Variants in ELK3 observed in about 807,000 individuals in gnomAD.
ELK3 encodes ETS domain-containing protein Elk-3.
Under a neutral mutation model 28.9 loss-of-function variants are expected in ELK3, and 10 were observed. The observed-to-expected ratio is 0.35, with a 90% CI of 0.21 to 0.59. The LOEUF (loss-of-function observed/expected upper bound fraction) is 0.59. Among genes scored for constraint, ELK3 ranks in the 20% least tolerant of loss-of-function variants. The pLI, the probability that ELK3 is intolerant of heterozygous loss-of-function variation, is 0.82. For missense variants in ELK3, 463 were observed against 517.3 expected, an observed-to-expected ratio of 0.90 and a Z score of 1.02; for synonymous variants, 272 against 243.5, an observed-to-expected ratio of 1.12 and a Z score of -1.09.
At chr12:96,260,462 TCTC>T (rs1337965424) in intron 4 of ELK3, among the ~76,000 whole-genome samples, 2 of 152,160 alleles carry the variant, frequency 1.3e-5, no homozygotes, top group South Asian at 2.1e-4. Context: ...ATCATTAAGT[TCTC>T]CTTGTTCTGT....
chr12:96,232,184 T>C (rs1330920723), intron 2 of ELK3, among the ~76,000 whole-genome samples: 2 of 151,634 alleles, frequency 1.3e-5, no homozygotes, highest in South Asian at 2.1e-4. Flanking sequence ...ATCTTGGGAG[T>C]GAGGGCAAGA....
chr12:96,239,906 A>G (rs1951808453), intron 2 of ELK3, among the ~76,000 whole-genome samples: 2 of 152,254 alleles, frequency 1.3e-5, no homozygotes, highest in African/African-American at 4.8e-5. Context: ...GGGGCCTGAC[A>G]TGTGGCGTCT....
chr12:96,223,721 C>T lies in ELK3; in HGVS notation c.155C>T (p.Thr52Ile), dbSNP rs769732719. ...AKLWGLRKNKTNMNYDKLSRA... is the reference protein window; with the variant it reads ...AKLWGLRKNKINMNYDKLSRA... ...CTGTGGGGACTCCGAAAAAACAAAA[C>T]AAATATGAACTATGATAAGCTGAGC... Residue 52 changes from threonine to isoleucine, a missense_variant, in exon 2 of 5, where the codon ACA (threonine) becomes ATA (isoleucine). Around this residue, in one of 2 missense-constraint regions of ELK3, gnomAD observed 55 missense variants for 102.5 expected, o/e 0.54. Transcript: ENST00000228741. 1.1e-5 allele frequency: 17 copies of T among 1,614,100 alleles called. No individual in the cohort carries two copies. The South Asian group carries it at 1.8e-4, about 17-fold the overall frequency.
intron 1 of ELK3, among the ~76,000 whole-genome samples, chr12:96,204,938 C>T (rs907772573): frequency 6.6e-6 from 1 of 152,226 alleles, no homozygotes; most frequent in African/African-American, 2.4e-5. Flanking sequence ...AGTTGATTCA[C>T]AGATGAAAGG....
intron 1 of ELK3, among the ~76,000 whole-genome samples, chr12:96,200,148 G>A (rs149011788): frequency 7.1e-4 from 108 of 152,210 alleles, no homozygotes; most frequent in African/African-American, 2.4e-3. Flanking sequence ...ATTAGATCGA[G>A]GTAATTAGAT....
At chr12:96,251,260 A>C (rs1374237502) in intron 3 of ELK3, among the ~76,000 whole-genome samples, 1 of 152,148 alleles carries the variant, frequency 6.6e-6, no homozygotes, top group Non-Finnish European at 1.5e-5. Flanking sequence ...CACCTGTATA[A>C]GACAGCAAAC....
At chr12:96,251,909 C>T (rs1257285097) in intron 3 of ELK3, among the ~76,000 whole-genome samples, 1 of 152,240 alleles carries the variant, frequency 6.6e-6, no homozygotes, top group Non-Finnish European at 1.5e-5. Context: ...TCCAGAAGAT[C>T]TAGCTACGCT....
intron 4 of ELK3, among the ~76,000 whole-genome samples, chr12:96,261,643 C>T (rs1316755720): frequency 2.0e-5 from 3 of 152,140 alleles, no homozygotes; most frequent in South Asian, 2.1e-4. Context: ...TAATAAGTGG[C>T]CTCTCATTTC....
chr12:96,247,833 T>C lies in ELK3; in HGVS notation c.1002+99T>C, dbSNP rs1042989482. ...GACTTCCTTCTGTCCCTCAAAACGT[T>C]GTCCTATGACTCGTACCGAGGTCAC... On this transcript the variant is annotated intron_variant, in intron 3 of 4. Coordinates refer to ENST00000228741, the MANE Select transcript of ELK3 (RefSeq NM_005230.4). This position sits in a 1 kb window ranked among gnomAD's most constrained non-coding sequence, Gnocchi z 5.5. 8.8e-6 allele frequency: 12 copies of C among 1,360,214 alleles called. No individual in the cohort carries two copies. Among genetic ancestry groups the C allele is most frequent in the South Asian group, 1.5e-5 (1 of 65,524 alleles). 84.3% of individuals were successfully genotyped at this position (1,360,214 alleles called of 1,614,324 possible).
At chr12:96,233,879 G>A (rs534645576) in intron 2 of ELK3, among the ~76,000 whole-genome samples, 2 of 152,334 alleles carry the variant, frequency 1.3e-5, no homozygotes, top group African/African-American at 4.8e-5. Flanking sequence ...TGTGAGTGTT[G>A]AGGGCCTGGT....
At chr12:96,229,302 C>G (rs1951724987) in intron 2 of ELK3, among the ~76,000 whole-genome samples, 1 of 152,326 alleles carries the variant, frequency 6.6e-6, no homozygotes, top group South Asian at 2.1e-4. Context: ...TGGCTTAAAA[C>G]AACAGAAATG....
chr12:96,196,010 A>G (rs1391303416), intron 1 of ELK3, among the ~76,000 whole-genome samples: 3 of 150,652 alleles, frequency 2.0e-5, no homozygotes, highest in East Asian at 3.9e-4. Flanking sequence ...GGCTGCGGAG[A>G]GGGTTAAAGG....
chr12:96,248,512 T>C (rs1238829376), intron 3 of ELK3, among the ~76,000 whole-genome samples: 3 of 152,002 alleles, frequency 2.0e-5, no homozygotes, highest in Middle Eastern at 3.4e-3. Flanking sequence ...GTTAAAAGAG[T>C]ATTCGTTTTA....
At chr12:96,196,346 A>C (rs893046134) in intron 1 of ELK3, among the ~76,000 whole-genome samples, 1 of 150,590 alleles carries the variant, frequency 6.6e-6, no homozygotes, top group African/African-American at 2.4e-5. Flanking sequence ...CCGCGTGTGT[A>C]TGTGTGTTGA....
intron 1 of ELK3, among the ~76,000 whole-genome samples, chr12:96,213,258 C>T (rs1182150383): frequency 6.6e-6 from 1 of 152,158 alleles, no homozygotes; most frequent in Non-Finnish European, 1.5e-5. Flanking sequence ...GCTTCTGGGA[C>T]AATCAGTTAT....
chr12:96,261,732 T>TGG (rs373615848), intron 4 of ELK3, among the ~76,000 whole-genome samples: 5 of 152,178 alleles, frequency 3.3e-5, no homozygotes, highest in African/African-American at 1.2e-4. Context: ...CACTATTGGC[T>TGG]GGGGGTTCTT....
At position 96,247,258 on chromosome 12, in the gene ELK3, G is replaced by A. The variant is rs756818692; in HGVS notation, c.526G>A (p.Val176Met). ...GGAGCCGCCCGAAGACAGCCCCCCCGTGGAAGAAGTCAGGACTGTGATCAG... is the reference window on the plus strand; with the variant it reads ...GGAGCCGCCCGAAGACAGCCCCCCCATGGAAGAAGTCAGGACTGTGATCAG... ...LEEPPEDSPP[V>M]EEVRTVIRFV... Residue 176 changes from valine to methionine, a missense_variant, in exon 3 of 5, where the codon GTG (valine) becomes ATG (methionine). Around this residue, in one of 2 missense-constraint regions of ELK3, gnomAD observed 408 missense variants for 414.8 expected, o/e 0.98. Coordinates refer to ENST00000228741, the MANE Select transcript of ELK3 (RefSeq NM_005230.4). This position sits in a 1 kb window ranked among gnomAD's most constrained non-coding sequence, Gnocchi z 5.5. 1.4e-5 allele frequency: 22 copies of A among 1,614,080 alleles called. No individual in the cohort carries two copies. The highest frequency in any genetic ancestry group is 1.8e-5 in the Non-Finnish European group (21 of 1,180,048).
rs538647149 is a variant in ELK3, at chr12:96,261,092, G to C, written c.1125+1239G>C. The stretch of plus-strand genomic sequence containing the variant: ...GCAAGTCTTCATGATCATCTGAGCT[G>C]GTCATTTTGCTTGTCAAGGTTAATG... On this transcript the variant is annotated intron_variant, in intron 4 of 4. Transcript: ENST00000228741. Among the ~76,000 whole-genome samples, 5 of 152,292 alleles carry C rather than the reference G, an allele frequency of 3.3e-5. No individual in the cohort carries two copies. The East Asian group carries it at 9.6e-4, about 29-fold the overall frequency.
At chr12:96,232,082 G>A (rs1274523699) in intron 2 of ELK3, among the ~76,000 whole-genome samples, 1 of 152,168 alleles carries the variant, frequency 6.6e-6, no homozygotes, top group Non-Finnish European at 1.5e-5. Flanking sequence ...AGTTTACCCG[G>A]CTGAAAAAAG....
Sources: gnomAD v4.1 joint callset for allele counts (sites outside exome capture counted in the v4.1 genomes callset) on GRCh38, gnomAD v4.1.1 for gene constraint, gnomAD v4.1.1 regional missense constraint, Gnocchi (gnomAD v3.1) non-coding constraint, MANE v1.5 for transcripts, NCBI Gene and HGNC (gene_info 2026-07-23, HGNC 2026-07-21) for gene names.